The following GLIS3 variants were observed in gnomAD, a reference collection of about 807,000 sequenced individuals.
GLIS3 encodes the protein GLIS family zinc finger 3.
A neutral mutation model predicts 78.6 loss-of-function variants in GLIS3; 53 were observed. The observed-to-expected ratio is 0.67, with a 90% CI of 0.54 to 0.85. The LOEUF (loss-of-function observed/expected upper bound fraction) is 0.85. Ranked by LOEUF, GLIS3 falls within the 40% of genes least tolerant of loss-of-function variation. GLIS3 has a pLI of 0.00. For missense variants in GLIS3, 1,703 were observed against 1,231.1 expected, an observed-to-expected ratio of 1.38 and a Z score of -5.74; for synonymous variants, 684 against 509.9, an observed-to-expected ratio of 1.34 and a Z score of -4.60.
At chr9:4,342,314 G>C (rs538390754) in intron 2 of GLIS3, among the ~76,000 whole-genome samples, 12 of 152,294 alleles carry the variant, frequency 7.9e-5, no homozygotes, top group Non-Finnish European at 1.3e-4. Flanking sequence ...CACGCGGCTA[G>C]CCAGTTATCC....
intron 4 of GLIS3, among the ~76,000 whole-genome samples, chr9:4,042,222 T>C (rs866820597): frequency 2.2e-4 from 34 of 152,170 alleles, no homozygotes; most frequent in Non-Finnish European, 4.0e-4. Context: ...AATTTCACTC[T>C]GACACCCTAG....
chr9:4,049,621 T>C (rs1011221549), intron 4 of GLIS3, among the ~76,000 whole-genome samples: 1 of 152,128 alleles, frequency 6.6e-6, no homozygotes, highest in Non-Finnish European at 1.5e-5. Flanking sequence ...GCTTCCTGCA[T>C]AAGAATCTTC....
At chr9:4,385,745 GAAAGAAAGAAAGAAAGAAAGAAAGAA>G in the GLIS3 span, among the ~76,000 whole-genome samples, 3 of 31,346 alleles carry the variant, frequency 9.6e-5, no homozygotes, top group East Asian at 8.0e-4. Context: ...GAAAAAGAAA[GAAAGAAAGAAAGAAAGAAAGAAAGAA>G]AGAAAGAAAG....
chr9:3,893,936 A>G (rs1822633099), intron 7 of GLIS3, among the ~76,000 whole-genome samples: 1 of 152,208 alleles, frequency 6.6e-6, no homozygotes. Flanking sequence ...AGTGCCTACA[A>G]CAGAGAAGTA....
At chr9:4,121,848 C>T (rs11998803) in intron 3 of GLIS3, among the ~76,000 whole-genome samples, 6,194 of 152,302 alleles carry the variant, frequency 0.041, 413 homozygotes, top group African/African-American at 0.14. Context: ...CCCAAATTTT[C>T]TGTTCTTCCT....
At chr9:4,018,883 A>C (rs180864616) in intron 4 of GLIS3, among the ~76,000 whole-genome samples, 1 of 152,336 alleles carries the variant, frequency 6.6e-6, no homozygotes, top group East Asian at 1.9e-4. Flanking sequence ...TCTCGCTTAG[A>C]AAAGCAAGTG....
At chr9:4,017,407 C>T (rs777145167) in intron 4 of GLIS3, among the ~76,000 whole-genome samples, 4 of 152,106 alleles carry the variant, frequency 2.6e-5, no homozygotes, top group Non-Finnish European at 5.9e-5. Context: ...ATACACTGTC[C>T]AAGAAGTTGG....
At chr9:4,348,898 T>C (rs1221135277), upstream of GLIS3, among the ~76,000 whole-genome samples, 1 of 152,174 alleles carries the variant, frequency 6.6e-6, no homozygotes, top group Non-Finnish European at 1.5e-5. Flanking sequence ...TAGAGTAAAA[T>C]TATGGATGGT....
At chr9:4,241,454 GAAT>G (rs934752163) in intron 2 of GLIS3, among the ~76,000 whole-genome samples, 23 of 152,038 alleles carry the variant, frequency 1.5e-4, no homozygotes, top group African/African-American at 5.6e-4. Flanking sequence ...AGCTAGAAGA[GAAT>G]AATTCAAACG....
At chr9:3,849,491 G>GA in intron 9 of GLIS3, among the ~76,000 whole-genome samples, 1 of 152,304 alleles carries the variant, frequency 6.6e-6, no homozygotes, top group East Asian at 1.9e-4. Flanking sequence ...CATTCATGCT[G>GA]TGACCAGGAG....
the GLIS3 span, among the ~76,000 whole-genome samples, chr9:4,472,223 G>C: frequency 6.6e-6 from 1 of 152,206 alleles, no homozygotes; most frequent in African/African-American, 2.4e-5. Flanking sequence ...TCTAGAACTA[G>C]AAATACCATT....
chr9:4,355,118 C>T, the GLIS3 span, among the ~76,000 whole-genome samples: 11 of 144,466 alleles, frequency 7.6e-5, no homozygotes, highest in African/African-American at 2.8e-4. Context: ...GGCGACAGAG[C>T]GAGACTCCAT....
rs567866670 is a variant in GLIS3, at chr9:4,067,641, G to C, written c.1710+50127C>G. Among the ~76,000 whole-genome samples the C allele has an allele frequency of 2.4e-4, 36 of 152,190 alleles. 1 individual carries two copies. Among genetic ancestry groups the C allele is most frequent in the Admixed American group, 2.1e-3 (32 of 15,284 alleles). On this transcript the variant is annotated intron_variant, in intron 4 of 10. Transcript: ENST00000381971. Reference sequence around the variant, plus strand: ...AGCGGCCACTTTATGTATGAAACTAGAGCAAACACTCACAAAGGGGGAACT... The same window carrying C: ...AGCGGCCACTTTATGTATGAAACTACAGCAAACACTCACAAAGGGGGAACT...
intron 4 of GLIS3, among the ~76,000 whole-genome samples, chr9:4,025,236 T>G (rs1563960122): frequency 6.6e-6 from 1 of 150,690 alleles, no homozygotes; most frequent in Non-Finnish European, 1.5e-5. Flanking sequence ...TAGGCAACAG[T>G]GAGACTCCGT....
At chr9:4,278,204 A>G (rs1188242625) in intron 2 of GLIS3, among the ~76,000 whole-genome samples, 1 of 152,218 alleles carries the variant, frequency 6.6e-6, no homozygotes, top group Non-Finnish European at 1.5e-5. Context: ...GGAACTCACT[A>G]TCTTTCTCTA....
intron 8 of GLIS3, among the ~76,000 whole-genome samples, chr9:3,869,665 C>A (rs1456973801): frequency 6.6e-6 from 1 of 152,178 alleles, no homozygotes; most frequent in Admixed American, 6.5e-5. Context: ...CTGGGACCTG[C>A]CAATGACCTC....
At chr9:4,360,275 A>G in the GLIS3 span, among the ~76,000 whole-genome samples, 1 of 152,172 alleles carries the variant, frequency 6.6e-6, no homozygotes, top group Non-Finnish European at 1.5e-5. Flanking sequence ...ACATGTGAAG[A>G]GGAGCAGCAA....
chr9:4,349,277 T>TGG (rs1184455531), upstream of GLIS3, among the ~76,000 whole-genome samples: 1 of 152,212 alleles, frequency 6.6e-6, no homozygotes, highest in Non-Finnish European at 1.5e-5. Context: ...ACTAATGTTA[T>TGG]TTAAATATTT....
intron 2 of GLIS3, among the ~76,000 whole-genome samples, chr9:4,245,231 C>T (rs1823693528): frequency 6.6e-6 from 1 of 152,146 alleles, no homozygotes; most frequent in Admixed American, 6.5e-5. Context: ...AGGTATGTGG[C>T]CTCAAACCCA....
Sources: allele counts gnomAD v4.1 joint callset (sites outside exome capture counted in the v4.1 genomes callset), GRCh38; gene constraint gnomAD v4.1.1; transcripts MANE v1.5; gene names NCBI Gene and HGNC (gene_info 2026-07-23, HGNC 2026-07-21).